The following LRBA variants were observed in gnomAD, a reference collection of about 807,000 sequenced individuals.
LRBA encodes lipopolysaccharide-responsive and beige-like anchor protein.
In LRBA, 176 loss-of-function variants were observed where a neutral mutation model predicts 330.0. The observed-to-expected ratio is 0.53, with a 90% confidence interval of 0.47 to 0.60. The LOEUF (loss-of-function observed/expected upper bound fraction) is 0.60, where lower values mean the gene tolerates loss of function less well. Among genes scored for constraint, LRBA ranks in the 20% least tolerant of loss-of-function variants. The pLI is 0.00. For synonymous variants in LRBA, 1,230 were observed against 1,193.0 expected, an observed-to-expected ratio of 1.03 and a Z score of -0.64; for missense variants, 3,259 against 3,444.8, an observed-to-expected ratio of 0.95 and a Z score of 1.35.
At chr4:151,002,745 C>T (rs917125731) in intron 2 of LRBA, among the ~76,000 whole-genome samples, 1 of 151,746 alleles carries the variant, frequency 6.6e-6, no homozygotes, top group Non-Finnish European at 1.5e-5. Context: ...GATGCAGTGG[C>T]TCAAGTCTAT....
Position 150,949,331 on chromosome 4 carries a change from C to T in LRBA, c.217-20266G>A, listed in dbSNP as rs373189331. ...CTCCAGAGAACCAATTGGTTTTTTT[C>T]TCAAGTTCGTACAGTCTTCTGGAGA... On this transcript the variant is annotated intron_variant, in intron 2 of 56. Transcript: ENST00000651943. 2.0e-4 allele frequency among the ~76,000 whole-genome samples: 30 copies of T among 152,112 alleles called. No individual in the cohort carries two copies. The East Asian group carries it at 5.4e-3, about 27-fold the overall frequency.
At chr4:150,294,037 G>A (rs77569751) in intron 53 of LRBA, among the ~76,000 whole-genome samples, 1,772 of 152,280 alleles carry the variant, frequency 0.012, 31 homozygotes, top group African/African-American at 0.04. Context: ...TCAACAGTAA[G>A]CTATCAGTAG....
At chr4:150,825,985 A>C (rs1746212938) in intron 30 of LRBA, among the ~76,000 whole-genome samples, 1 of 152,164 alleles carries the variant, frequency 6.6e-6, no homozygotes, top group South Asian at 2.1e-4. Flanking sequence ...CAAACAAACA[A>C]AAAAACAAAA....
intron 17 of LRBA, 36 bp from the exon 18 acceptor site, chr4:150,872,791 G>A: frequency 9.1e-7 from 1 of 1,097,346 alleles, no homozygotes. Flanking sequence ...ACTATTTTGA[G>A]TATAATTTTT....
At chr4:150,605,099 A>G (rs758039602) in intron 37 of LRBA, among the ~76,000 whole-genome samples, 35 of 152,218 alleles carry the variant, frequency 2.3e-4, no homozygotes, top group Non-Finnish European at 4.1e-4. Flanking sequence ...ATTAAAGTAG[A>G]TAACTTTCTG....
chr4:150,728,525 G>A (rs985913670), intron 36 of LRBA, among the ~76,000 whole-genome samples: 3 of 152,006 alleles, frequency 2.0e-5, no homozygotes, highest in Admixed American at 6.6e-5. Flanking sequence ...TCCTAGGGGT[G>A]GAAGGATGGT....
At chr4:150,409,729 A>G (rs181688768) in intron 47 of LRBA, among the ~76,000 whole-genome samples, 7 of 152,260 alleles carry the variant, frequency 4.6e-5, no homozygotes, top group African/African-American at 1.4e-4. Flanking sequence ...ATGTGGGGAG[A>G]ATTAACAATC....
At chr4:150,805,446 GGGAAAGGAAAGGAAA>G (rs75535803) in intron 33 of LRBA, among the ~76,000 whole-genome samples, 447 of 39,752 alleles carry the variant, frequency 0.011, 21 homozygotes, top group African/African-American at 0.03. Context: ...AGGAAGGAAA[GGGAAAGGAAAGGAAA>G]GGAAAGGAAA....
intron 2 of LRBA, among the ~76,000 whole-genome samples, chr4:151,002,854 C>A (rs1055897124): frequency 6.6e-6 from 1 of 151,456 alleles, no homozygotes; most frequent in South Asian, 2.1e-4. Flanking sequence ...ATGGCAACTA[C>A]CCCCAAAAAA....
At chr4:150,662,973 C>G (rs1781257231) in intron 37 of LRBA, among the ~76,000 whole-genome samples, 1 of 151,502 alleles carries the variant, frequency 6.6e-6, no homozygotes, top group Non-Finnish European at 1.5e-5. Flanking sequence ...CAAAACAAAA[C>G]AAACAAACAA....
rs555758710 is a variant in LRBA at position 150,537,644 on chromosome 4, G to C, written c.6331-46609C>G. Among the ~76,000 whole-genome samples, 360 of 151,968 alleles carry C rather than the reference G, an allele frequency of 2.4e-3. 1 individual carries two copies. Among genetic ancestry groups the C allele is most frequent in the African/African-American group, 8.1e-3 (338 of 41,492 alleles). On this transcript the variant is annotated intron_variant, in intron 40 of 56. Coordinates refer to ENST00000651943, the MANE Select transcript of LRBA (RefSeq NM_001364905.1). The stretch of plus-strand genomic sequence containing the variant: ...CTTCATTCAACAAGCAAAACCCAAA[G>C]AACCCCATTAAAAAGTGAACAAAGG...
chr4:150,412,161 T>G (rs1478717428), intron 47 of LRBA, among the ~76,000 whole-genome samples: 1 of 152,174 alleles, frequency 6.6e-6, no homozygotes, highest in Non-Finnish European at 1.5e-5. Flanking sequence ...TATACTCAAC[T>G]CTAAACTATG....
At chr4:150,534,230 A>G (rs1764371917) in intron 40 of LRBA, among the ~76,000 whole-genome samples, 1 of 151,248 alleles carries the variant, frequency 6.6e-6, no homozygotes, top group Admixed American at 6.6e-5. Flanking sequence ...TCCAGAATAT[A>G]GAACAGTAGT....
At chr4:150,278,150 G>A in intron 55 of LRBA, 146 bp from the exon 56 acceptor site, 1 of 652,948 alleles carries the variant, frequency 1.5e-6, no homozygotes, top group South Asian at 2.2e-5. Context: ...ATCGTGAGTT[G>A]TAGAAGATCT....
At chr4:150,689,027 C>G (rs567169352) in intron 36 of LRBA, among the ~76,000 whole-genome samples, 1 of 152,226 alleles carries the variant, frequency 6.6e-6, no homozygotes, top group African/African-American at 2.4e-5. Flanking sequence ...TACTGCGGCA[C>G]TATACACAAC....
At chr4:150,555,780 CACACACAA>C (rs1416326803) in intron 40 of LRBA, among the ~76,000 whole-genome samples, 1 of 150,950 alleles carries the variant, frequency 6.6e-6, no homozygotes. Context: ...CACACACACA[CACACACAA>C]ACAAATAGAA....
chr4:150,494,845 A>G (rs1759388257), intron 40 of LRBA, among the ~76,000 whole-genome samples: 1 of 152,074 alleles, frequency 6.6e-6, no homozygotes, highest in African/African-American at 2.4e-5. Context: ...AAATAAATAA[A>G]TAAAATTAGC....
chr4:150,847,403 G>T (rs1015216632), intron 26 of LRBA, among the ~76,000 whole-genome samples: 2 of 151,980 alleles, frequency 1.3e-5, no homozygotes, highest in Non-Finnish European at 2.9e-5. Flanking sequence ...TAAAATACTT[G>T]GAATTTTACA....
intron 40 of LRBA, among the ~76,000 whole-genome samples, chr4:150,549,994 T>C (rs1766384566): frequency 6.6e-6 from 1 of 152,218 alleles, no homozygotes; most frequent in African/African-American, 2.4e-5. Flanking sequence ...TTTTAACCCA[T>C]ACAACACATA....
Sources: allele counts gnomAD v4.1 joint callset (sites outside exome capture counted in the v4.1 genomes callset), GRCh38; gene constraint gnomAD v4.1.1; transcripts MANE v1.5; gene names NCBI Gene and HGNC (gene_info 2026-07-23, HGNC 2026-07-21).